GIGYF2: variants seen among roughly 807,000 people sequenced by gnomAD.
GIGYF2 encodes the protein GRB10-interacting GYF protein 2.
A neutral mutation model predicts 208.1 loss-of-function variants in GIGYF2; 25 were observed. That is an observed-to-expected ratio of 0.12 (90% CI 0.09 to 0.17). The LOEUF (loss-of-function observed/expected upper bound fraction) is 0.17, where lower values mean the gene tolerates loss of function less well. Among genes scored for constraint, GIGYF2 ranks in the 10% least tolerant of loss-of-function variants. The pLI, the probability that GIGYF2 is intolerant of heterozygous loss-of-function variation, is 1.00. For synonymous variants in GIGYF2, 534 were observed against 543.8 expected (o/e 0.98, Z 0.25); for missense variants, 1,302 against 1,579.4 (o/e 0.82, Z 2.98).
intron 8 of GIGYF2, chr2:232,767,927 T>C: frequency 8.8e-6 from 4 of 454,038 alleles, no homozygotes; most frequent in South Asian, 6.8e-5. Flanking sequence ...CACATTCTTA[T>C]AAATTCACCA....
At chr2:232,739,516 A>G (rs1411200420) in intron 3 of GIGYF2, among the ~76,000 whole-genome samples, 1 of 151,682 alleles carries the variant, frequency 6.6e-6, no homozygotes, top group Non-Finnish European at 1.5e-5. Flanking sequence ...TCTACAAAAA[A>G]AATTAAAAAA....
chr2:232,837,899 A>G (rs1559161862), intron 22 of GIGYF2, among the ~76,000 whole-genome samples: 1 of 152,186 alleles, frequency 6.6e-6, no homozygotes, highest in African/African-American at 2.4e-5. Flanking sequence ...TAAGGTAGCA[A>G]TGTCAGCGCA....
chr2:232,762,547 G>C (rs1698789746), intron 8 of GIGYF2, among the ~76,000 whole-genome samples: 1 of 151,958 alleles, frequency 6.6e-6, no homozygotes, highest in Non-Finnish European at 1.5e-5. Context: ...CACTGTACCG[G>C]GCAGTGGTAA....
chr2:232,744,985 G>C (rs1490197194), intron 3 of GIGYF2, among the ~76,000 whole-genome samples: 1 of 152,120 alleles, frequency 6.6e-6, no homozygotes, highest in Non-Finnish European at 1.5e-5. Context: ...GCTAGTTCAC[G>C]TGTGAAATTT....
At chr2:232,776,411 G>A (rs1489112703) in intron 8 of GIGYF2, 2 of 1,576,758 alleles carry the variant, frequency 1.3e-6, no homozygotes, top group Non-Finnish European at 1.7e-6. Context: ...TTTCCCATAA[G>A]GAAAGAAGAA....
rs1690644965 is a variant in GIGYF2, at chr2:232,858,225, G to A, written c.*1365G>A. On this transcript the variant is annotated 3_prime_UTR_variant, in exon 29 of 29. Transcript: ENST00000373563. ...CTGTGCGAGAGGTGCTGTGGTCTGG[G>A]CAGCCCCTGGAAAAGCACCTTTGCT... 2.9e-6 allele frequency: 1 copy of A among 339,048 alleles called. No individual in the cohort carries two copies. Among genetic ancestry groups the A allele is most frequent in the Admixed American group, 4.2e-5 (1 of 23,686 alleles). 21.0% of individuals were successfully genotyped at this position (339,048 alleles called of 1,614,324 possible).
intron 5 of GIGYF2, among the ~76,000 whole-genome samples, chr2:232,755,391 G>A (rs1443949596): frequency 2.0e-5 from 3 of 151,964 alleles, no homozygotes; most frequent in African/African-American, 4.8e-5. Flanking sequence ...GGCTAGTCTC[G>A]AACTCCTGAC....
intron 3 of GIGYF2, among the ~76,000 whole-genome samples, chr2:232,739,835 C>T (rs1697903959): frequency 6.6e-6 from 1 of 150,662 alleles, no homozygotes; most frequent in South Asian, 2.1e-4. Context: ...CGCGGTGGCA[C>T]ATGCCTGTAA....
intron 14 of GIGYF2, among the ~76,000 whole-genome samples, chr2:232,800,602 T>TA (rs1700367529): frequency 6.6e-6 from 1 of 151,514 alleles, no homozygotes; most frequent in African/African-American, 2.4e-5. Flanking sequence ...TTTTTTTTTT[T>TA]AAGACCGGGT....
chr2:232,833,169 G>C (rs557874025), intron 22 of GIGYF2, 76 bp downstream of exon 22: 8 of 797,294 alleles, frequency 1.0e-5, no homozygotes, highest in Non-Finnish European at 1.4e-5. Flanking sequence ...TGTACCAGTA[G>C]CAGTAAAACT....
At chr2:232,815,509 G>A (rs1318039986) in intron 18 of GIGYF2, 128 bp from the exon 19 acceptor site, 3 of 708,862 alleles carry the variant, frequency 4.2e-6, no homozygotes, top group Non-Finnish European at 7.8e-6. Context: ...TCTTCTCAGA[G>A]GCAAAACAGA....
At chr2:232,856,655 G>T in intron 28 of GIGYF2, 138 bp from the exon 29 acceptor site, 1 of 743,330 alleles carries the variant, frequency 1.3e-6, no homozygotes, top group East Asian at 2.6e-5. Flanking sequence ...TCACGCCACT[G>T]CACTCCAGCC....
chr2:232,753,869 A>G (rs369823899), intron 5 of GIGYF2, among the ~76,000 whole-genome samples: 4 of 152,252 alleles, frequency 2.6e-5, no homozygotes, highest in African/African-American at 9.6e-5. Context: ...GATTCTGCCT[A>G]AGAAATAGAT....
chr2:232,842,011 A>AAT (rs1701830764), intron 23 of GIGYF2, among the ~76,000 whole-genome samples: 1 of 147,658 alleles, frequency 6.8e-6, no homozygotes, highest in African/African-American at 2.5e-5. Flanking sequence ...TTAAAAAAAA[A>AAT]TTTTTTTTTT....
In GIGYF2 at chr2:232,858,554, T is replaced by G. The variant is rs1174218176; in HGVS notation, c.*1694T>G. The G allele has an allele frequency of 2.2e-6, 1 of 456,230 alleles. No individual in the cohort carries two copies. The highest frequency in any genetic ancestry group is 2.0e-5 in the African/African-American group (1 of 50,046). 28.3% of individuals were successfully genotyped at this position (456,230 alleles called of 1,614,324 possible). A position where few individuals can be genotyped will look rare whatever the true frequency, so the allele number is the denominator to read the frequency against. ...GGATAGTTAAAATGTTTACAAAACT[T>G]TAGGCTCCCTCGGAACTTTTGCCAG... On this transcript the variant is annotated 3_prime_UTR_variant, in exon 29 of 29. Coordinates refer to ENST00000373563, the MANE Select transcript of GIGYF2 (RefSeq NM_001103146.3).
intron 28 of GIGYF2, among the ~76,000 whole-genome samples, chr2:232,853,757 A>G (rs1000768418): frequency 1.3e-5 from 2 of 152,250 alleles, no homozygotes; most frequent in Non-Finnish European, 2.9e-5. Flanking sequence ...CTTTAGAGCC[A>G]GGCATAGTGG....
intron 2 of GIGYF2, among the ~76,000 whole-genome samples, chr2:232,721,559 G>A (rs1008902835): frequency 6.6e-6 from 1 of 152,110 alleles, no homozygotes; most frequent in African/African-American, 2.4e-5. Context: ...TCCTTTATTA[G>A]GGTGGCCCTT....
chr2:232,775,843 T>C (rs1481130769), intron 8 of GIGYF2, among the ~76,000 whole-genome samples: 1 of 152,218 alleles, frequency 6.6e-6, no homozygotes, highest in Non-Finnish European at 1.5e-5. Context: ...GTGTAAATAC[T>C]TTAAGACTAT....
At chr2:232,758,318 TAAAC>T (rs1264931037) in intron 6 of GIGYF2, among the ~76,000 whole-genome samples, 1 of 152,208 alleles carries the variant, frequency 6.6e-6, no homozygotes, top group Non-Finnish European at 1.5e-5. Context: ...AAAATTTAAA[TAAAC>T]TAAATAGGTG....
Sources: gnomAD v4.1 joint callset for allele counts (sites outside exome capture counted in the v4.1 genomes callset) on GRCh38, gnomAD v4.1.1 for gene constraint, MANE v1.5 for transcripts, NCBI Gene and HGNC (gene_info 2026-07-23, HGNC 2026-07-21) for gene names.